Variants in NPTX2 observed in about 807,000 individuals in gnomAD.
NPTX2 encodes the protein neuronal pentraxin 2.
In NPTX2, 23 loss-of-function variants were observed where a neutral mutation model predicts 38.1. The ratio of observed to expected loss-of-function variants is 0.60; its 90% CI spans 0.43 to 0.85. The LOEUF is 0.85. Ranked by LOEUF, NPTX2 falls within the 40% of genes least tolerant of loss-of-function variation. NPTX2 has a pLI of 0.00. For missense variants in NPTX2, 553 were observed against 615.3 expected (o/e 0.90, Z 1.07); for synonymous variants, 291 against 287.3 (o/e 1.01, Z -0.13).
chr7:98,624,793 T>C, intron 2 of NPTX2, 129 bp from the exon 3 acceptor site: 1 of 1,179,952 alleles, frequency 8.5e-7, no homozygotes. Flanking sequence ...TTTGGTCGCT[T>C]GCTGGAGGGT....
At position 98,617,932 on chromosome 7, in the gene NPTX2, C is replaced by G. The variant is rs761299922; in HGVS notation, c.426+45C>G. 2.0e-6 allele frequency: 3 copies of G among 1,522,296 alleles called. No homozygotes were observed. In the Admixed American group the frequency reaches 6.2e-5, roughly 32 times the overall value. 94.3% of individuals were successfully genotyped at this position (1,522,296 alleles called of 1,614,324 possible). On this transcript the variant is annotated intron_variant, in intron 1 of 4. Coordinates refer to ENST00000265634, the MANE Select transcript of NPTX2 (RefSeq NM_002523.3). ...GCGGGGGACCTGGAATGGGGACGCTCCCGAGTCGGGGGCGGAAGACTCGGG... is the reference window on the plus strand; with the variant it reads ...GCGGGGGACCTGGAATGGGGACGCTGCCGAGTCGGGGGCGGAAGACTCGGG...
chr7:98,628,814 T>C lies in NPTX2; in HGVS notation c.*185T>C. 2.2e-6 allele frequency: 1 copy of C among 462,970 alleles called. No individual in the cohort carries two copies. Among genetic ancestry groups the C allele is most frequent in the Non-Finnish European group, 3.8e-6 (1 of 261,800 alleles). 28.7% of individuals were successfully genotyped at this position (462,970 alleles called of 1,614,324 possible). On this transcript the variant is annotated 3_prime_UTR_variant, in exon 5 of 5. Coordinates refer to ENST00000265634, the MANE Select transcript of NPTX2 (RefSeq NM_002523.3). ...TGGCTTGTTTGTTCCCTACCAATAT[T>C]CTGTTGCTGTTTGAAGTAGTGCCAG...
At chr7:98,620,282 G>T in intron 2 of NPTX2, 1 of 204,666 alleles carries the variant, frequency 4.9e-6, no homozygotes. Flanking sequence ...GAAGTTGTAG[G>T]TTTGCCCGTA....
intron 1 of NPTX2, 152 bp from the exon 2 acceptor site, chr7:98,619,491 G>A: frequency 3.2e-6 from 2 of 630,600 alleles, no homozygotes; most frequent in Admixed American, 2.7e-5. Flanking sequence ...TACCAAAAAA[G>A]CATCAGTGAG....
chr7:98,617,530 C>T lies in NPTX2; in HGVS notation c.69C>T (p.Pro23=). ...VAAGAQDSPA[P]GSRFVCTALP... The stretch of plus-strand genomic sequence containing the variant: ...CTGGGGCCCAGGACAGCCCGGCGCC[C>T]GGTAGCCGCTTCGTGTGCACGGCAC... Residue 23 remains proline, a synonymous_variant, in exon 1 of 5, where the codon CCC becomes CCT. Coordinates refer to ENST00000265634, the MANE Select transcript of NPTX2 (RefSeq NM_002523.3). 1 of 1,414,726 alleles carries T rather than the reference C, an allele frequency of 7.1e-7. No homozygotes were observed. The allele number at this position is 1,414,726 out of a possible 1,614,324, so 87.6% of individuals were successfully genotyped here.
rs1388790555 is a variant in NPTX2, at chr7:98,629,405, CT to C, written c.*781del. The stretch of plus-strand genomic sequence containing the variant: ...TCTGGTGCCAAAGGTTCCGTTGCAG[CT>C]TTTTACAACCATCCGGTGTGGTTTG... On this transcript the variant is annotated 3_prime_UTR_variant, in exon 5 of 5. Coordinates refer to ENST00000265634, the MANE Select transcript of NPTX2 (RefSeq NM_002523.3). The C allele has an allele frequency of 5.2e-5, 8 of 152,428 alleles. No homozygotes were observed. Among genetic ancestry groups the C allele is most frequent in the Admixed American group, 1.3e-4 (2 of 15,272 alleles). 9.4% of individuals were successfully genotyped at this position (152,428 alleles called of 1,614,324 possible).
chr7:98,628,455 C>A lies in NPTX2; in HGVS notation c.1122C>A (p.Ser374Arg). ...CTCAGGCATTTGTCGGGGAGCTCAG[C>A]CAGTTCAACATATGGGACCGCGTCC... ...DATQAFVGEL[S>R]QFNIWDRVLR... The change falls in exon 5 of 5, where the codon AGC becomes AGA. Residue 374 changes from serine to arginine, a missense_variant. Transcript: ENST00000265634. 2 of 1,611,568 alleles carry A rather than the reference C, an allele frequency of 1.2e-6. No individual in the cohort carries two copies. Among genetic ancestry groups the A allele is most frequent in the Non-Finnish European group, 8.5e-7 (1 of 1,178,374 alleles).
chr7:98,619,202 A>G lies in NPTX2; in HGVS notation c.427-441A>G, dbSNP rs532739733. On this transcript the variant is annotated intron_variant, in intron 1 of 4. Coordinates refer to ENST00000265634, the MANE Select transcript of NPTX2 (RefSeq NM_002523.3). ...ATTTTCCAGAAACATCTCTGCATGC[A>G]TAGTTATTTACCTTGGTGCCAGACC... 1.3e-5 allele frequency among the ~76,000 whole-genome samples: 2 copies of G among 152,308 alleles called. 1 individual carries two copies. The highest frequency in any genetic ancestry group is 4.8e-5 in the African/African-American group (2 of 41,558).
At chr7:98,618,016 G>A in intron 1 of NPTX2, 129 bp downstream of exon 1, 1 of 916,218 alleles carries the variant, frequency 1.1e-6, no homozygotes, top group Middle Eastern at 3.5e-4. Context: ...GGGGTGAGCT[G>A]GACTTGAGGG....
Position 98,627,151 on chromosome 7 carries a change from A to G in NPTX2, c.889-14A>G, listed in dbSNP as rs1280666252. ...GGGCCCAGCAGGTCCTTACCTGCAC[A>G]TTGCTGCTCACAGGTTGCGCAGCTG... On this transcript the variant is annotated splice_polypyrimidine_tract_variant and intron_variant, in intron 3 of 4. Coordinates refer to ENST00000265634, the MANE Select transcript of NPTX2 (RefSeq NM_002523.3). 1.3e-5 allele frequency: 21 copies of G among 1,606,324 alleles called. No individual in the cohort carries two copies. The highest frequency in any genetic ancestry group is 1.7e-5 in the Non-Finnish European group (20 of 1,174,468).
Position 98,627,990 on chromosome 7 carries a change from G to A in NPTX2, c.1069-412G>A, listed in dbSNP as rs1791381884. Among the ~76,000 whole-genome samples the A allele has an allele frequency of 2.6e-5, 4 of 152,166 alleles. No homozygotes were observed. The South Asian group carries it at 8.3e-4, about 32-fold the overall frequency. Reference sequence around the variant, plus strand: ...TCTGGTCTAGGACAGATAAGTGTTGGCATTCCAGTCTGTATTTGGGTTTTT... The same window carrying A: ...TCTGGTCTAGGACAGATAAGTGTTGACATTCCAGTCTGTATTTGGGTTTTT... On this transcript the variant is annotated intron_variant, in intron 4 of 4. Coordinates refer to ENST00000265634, the MANE Select transcript of NPTX2 (RefSeq NM_002523.3).
intron 1 of NPTX2, 107 bp from the exon 2 acceptor site, chr7:98,619,536 C>T: frequency 1.1e-6 from 1 of 897,570 alleles, no homozygotes; most frequent in South Asian, 1.5e-5. Context: ...AGATTCAGGG[C>T]TTGCGTTTTG....
rs552315451 is a variant in NPTX2, at chr7:98,617,292, C to G, written c.-170C>G. The G allele has an allele frequency of 2.2e-4, 62 of 276,022 alleles. No homozygotes were observed. The highest frequency in any genetic ancestry group is 2.1e-3 in the Middle Eastern group (2 of 950). The allele number at this position is 276,022 out of a possible 1,614,324, so 17.1% of individuals were successfully genotyped here. ...GCGCGGACCCGGCAGGCCAGAGTGCCGAGCAGCGCGGTGGGTGCGGCTGTG... is the reference window on the plus strand; with the variant it reads ...GCGCGGACCCGGCAGGCCAGAGTGCGGAGCAGCGCGGTGGGTGCGGCTGTG... On this transcript the variant is annotated 5_prime_UTR_variant, in exon 1 of 5. Coordinates refer to ENST00000265634, the MANE Select transcript of NPTX2 (RefSeq NM_002523.3).
intron 4 of NPTX2, 109 bp from the exon 5 acceptor site, chr7:98,628,293 G>T: frequency 1.6e-6 from 1 of 613,870 alleles, no homozygotes. Context: ...GGTAGTGTTG[G>T]TCAGAGCTGG....
chr7:98,619,896 C>G lies in NPTX2; in HGVS notation c.643+37C>G, dbSNP rs1193453178. 4 of 1,568,336 alleles carry G rather than the reference C, an allele frequency of 2.6e-6. No homozygotes were observed. The South Asian group carries it at 4.5e-5, about 18-fold the overall frequency. On this transcript the variant is annotated intron_variant, in intron 2 of 4. Coordinates refer to ENST00000265634, the MANE Select transcript of NPTX2 (RefSeq NM_002523.3). Reference sequence around the variant, plus strand: ...GCCTGTTTCTCTGTCTGGCAGTGGCCTGATTTTCACCACTTGTGGTCAGAC... The same window carrying G: ...GCCTGTTTCTCTGTCTGGCAGTGGCGTGATTTTCACCACTTGTGGTCAGAC...
intron 1 of NPTX2, among the ~76,000 whole-genome samples, chr7:98,618,569 T>TCTC (rs1791216138): frequency 1.7e-4 from 5 of 30,094 alleles, no homozygotes; most frequent in Admixed American, 3.3e-4. Flanking sequence ...TCTCTCTCTC[T>TCTC]CCCCCCCTCC....
At chr7:98,627,602 G>A (rs559475963) in intron 4 of NPTX2, among the ~76,000 whole-genome samples, 116 of 152,276 alleles carry the variant, frequency 7.6e-4, no homozygotes, top group African/African-American at 2.8e-3. Context: ...GTGGGGTCAC[G>A]GCCTGCATGG....
intron 4 of NPTX2, 39 bp downstream of exon 4, chr7:98,627,383 G>A (rs370547037): frequency 6.3e-5 from 99 of 1,572,610 alleles, no homozygotes; most frequent in Non-Finnish European, 7.6e-5. Flanking sequence ...CAGGGTGGGT[G>A]CAGGATGGGC....
At chr7:98,623,763 G>A (rs1791305203) in intron 2 of NPTX2, among the ~76,000 whole-genome samples, 1 of 152,168 alleles carries the variant, frequency 6.6e-6, no homozygotes, top group African/African-American at 2.4e-5. Flanking sequence ...TTTATTGGGT[G>A]CCTGGGTCCC....
Sources: allele counts gnomAD v4.1 joint callset (sites outside exome capture counted in the v4.1 genomes callset), GRCh38; gene constraint gnomAD v4.1.1; transcripts MANE v1.5; gene names NCBI Gene and HGNC (gene_info 2026-07-23, HGNC 2026-07-21).